The following PIKFYVE variants were observed in gnomAD, a reference collection of about 807,000 sequenced individuals.
PIKFYVE encodes the protein 1-phosphatidylinositol 3-phosphate 5-kinase.
PIKFYVE carries 122 observed loss-of-function variants against 257.9 expected under a neutral mutation model. That is an observed-to-expected ratio of 0.47 (90% CI 0.41 to 0.55). The LOEUF is 0.55. Among genes scored for constraint, PIKFYVE ranks in the 20% least tolerant of loss-of-function variants. The probability of loss-of-function intolerance (pLI) is 0.00; values close to 1 mark genes in which losing one functional copy is unlikely to be tolerated. For synonymous variants in PIKFYVE, 892 were observed against 868.9 expected (o/e 1.03, Z -0.47); for missense variants, 2,160 against 2,536.6 (o/e 0.85, Z 3.19).
chr2:208,326,302 C>T lies in PIKFYVE; in HGVS notation c.3491C>T (p.Pro1164Leu). The change falls in exon 20 of 42, where the codon CCC becomes CTC. Residue 1164 changes from proline to leucine, a missense_variant. Physicochemically the swap from Pro to Leu is moderately conservative, Grantham distance 98 (BLOSUM62 -3). Around this residue, in one of 12 missense-constraint regions of PIKFYVE, gnomAD observed 522 missense variants for 514.6 expected, o/e 1.01. Coordinates refer to ENST00000264380, the MANE Select transcript of PIKFYVE (RefSeq NM_015040.4). ...DYRARGGRIQ[P>L]KNSDPFAHSK... ...CGAGCCAGAGGAGGAAGAATTCAGC[C>T]CAAAAATTCAGACCCTTTTGCTCAT... 1 of 1,603,394 alleles carries T rather than the reference C, an allele frequency of 6.2e-7. No individual in the cohort carries two copies. The highest frequency in any genetic ancestry group is 8.5e-7 in the Non-Finnish European group (1 of 1,174,492).
rs140601337 is a variant in PIKFYVE, at chr2:208,283,014, C to T, written c.614-2712C>T. On this transcript the variant is annotated intron_variant, in intron 5 of 41. Coordinates refer to ENST00000264380, the MANE Select transcript of PIKFYVE (RefSeq NM_015040.4). ...GAGGTGGAGCTCAGGAGGTAATGCC[C>T]GTTTGTGTATGGCTTGTGTGCTGCT... Among the ~76,000 whole-genome samples the T allele has an allele frequency of 2.3e-3, 343 of 152,202 alleles. 1 individual carries two copies. The highest frequency in any genetic ancestry group is 4.1e-3 in the Non-Finnish European group (278 of 68,006).
At chr2:208,350,688 C>T in intron 36 of PIKFYVE, 83 bp from the exon 37 acceptor site, 1 of 1,465,080 alleles carries the variant, frequency 6.8e-7, no homozygotes, top group East Asian at 2.3e-5. Flanking sequence ...TTGCATTTGG[C>T]CAGGGTAGGG....
rs1217512301 is a variant in PIKFYVE, at chr2:208,357,696, T to A, written c.*2391T>A. 2.0e-5 allele frequency: 3 copies of A among 152,242 alleles called. No homozygotes were observed. Among genetic ancestry groups the A allele is most frequent in the Non-Finnish European group, 2.9e-5 (2 of 68,040 alleles). 9.4% of individuals were successfully genotyped at this position (152,242 alleles called of 1,614,324 possible). On this transcript the variant is annotated 3_prime_UTR_variant, in exon 42 of 42. Transcript: ENST00000264380. ...TGTCTGGTCCCTTGCTGCTCTTGTTTAGGCCACTATCATAGATATATTTCA... is the reference window on the plus strand; with the variant it reads ...TGTCTGGTCCCTTGCTGCTCTTGTTAAGGCCACTATCATAGATATATTTCA...
intron 7 of PIKFYVE, among the ~76,000 whole-genome samples, chr2:208,296,179 A>G (rs1247162859): frequency 2.0e-5 from 3 of 152,004 alleles, no homozygotes; most frequent in Non-Finnish European, 2.9e-5. Context: ...TAATTTTTGT[A>G]TTTTTAATAG....
At position 208,271,480 on chromosome 2, in the gene PIKFYVE, T is replaced by G. The variant is rs78863586; in HGVS notation, c.-9-31T>G. On this transcript the variant is annotated intron_variant, in intron 1 of 41. Transcript: ENST00000264380. Reference sequence around the variant, plus strand: ...CAACTTTTGAGCTTCCTGAGGAATTTAGATTTTTGCTTGTTTCTTTTGTTT... The same window carrying G: ...CAACTTTTGAGCTTCCTGAGGAATTGAGATTTTTGCTTGTTTCTTTTGTTT... 1.5e-3 allele frequency: 2,358 copies of G among 1,609,630 alleles called. 33 individuals are homozygous for G. The African/African-American group carries it at 0.027, about 19-fold the overall frequency.
At chr2:208,345,083 A>T in intron 32 of PIKFYVE, 28 bp from the exon 33 acceptor site, 1 of 1,443,150 alleles carries the variant, frequency 6.9e-7, no homozygotes, top group Non-Finnish European at 9.8e-7. Context: ...TTAATGTTTA[A>T]CGTTTTTCAA....
chr2:208,348,014 G>T lies in PIKFYVE; in HGVS notation c.5365G>T (p.Glu1789Ter). ...GGAGGGGACCGAGAATCAAGGCGTT[G>T]AGCCTCAAGGTGTGTTAAAGAAGAG... ...GKEGTENQGV[E>*]PQDEVDGGDT... The change falls in exon 35 of 42, where the codon GAG (glutamate) becomes TAG (stop). Residue 1789 changes from glutamate to a stop codon, truncating the protein, a stop_gained. Coordinates refer to ENST00000264380, the MANE Select transcript of PIKFYVE (RefSeq NM_015040.4). LOFTEE classifies it high-confidence loss of function. The T allele has an allele frequency of 1.2e-6, 2 of 1,614,090 alleles. No individual in the cohort carries two copies. Among genetic ancestry groups the T allele is most frequent in the Middle Eastern group, 1.7e-4 (1 of 6,060 alleles).
chr2:208,274,139 C>T (rs2125024933), intron 3 of PIKFYVE: 1 of 1,403,930 alleles, frequency 7.1e-7, no homozygotes, highest in South Asian at 1.2e-5. Context: ...CTGCAGAACT[C>T]TGTCAACTCC....
intron 23 of PIKFYVE, among the ~76,000 whole-genome samples, chr2:208,331,143 G>A (rs1697496423): frequency 6.6e-6 from 1 of 152,100 alleles, no homozygotes; most frequent in Admixed American, 6.5e-5. Context: ...GCCTATGTGA[G>A]CATTTCTATT....
At chr2:208,274,350 T>TGG (rs1465975038) in intron 3 of PIKFYVE, among the ~76,000 whole-genome samples, 1 of 151,684 alleles carries the variant, frequency 6.6e-6, no homozygotes. Context: ...AAAAGAGAGG[T>TGG]GGTTTATGTT....
At chr2:208,299,791 T>C (rs1265219765) in intron 8 of PIKFYVE, among the ~76,000 whole-genome samples, 1 of 152,224 alleles carries the variant, frequency 6.6e-6, no homozygotes, top group Non-Finnish European at 1.5e-5. Context: ...TAAAATACTG[T>C]GTTCAATTCT....
rs1255919461 is a variant in PIKFYVE at position 208,340,096 on chromosome 2, T to C, written c.4896T>C (p.Leu1632=). Residue 1632 remains leucine (L), a synonymous_variant, in exon 31 of 42, where the codon CTT becomes CTC. Coordinates refer to ENST00000264380, the MANE Select transcript of PIKFYVE (RefSeq NM_015040.4). ...STMKAIFANL[L]PGNSYNPIPF... The stretch of plus-strand genomic sequence containing the variant: ...TGAAAGCCATCTTTGCAAATTTGCT[T>C]CCAGGAAATAGCTATAATCCTATTC... 9.9e-6 allele frequency: 16 copies of C among 1,614,052 alleles called. No individual in the cohort carries two copies. The highest frequency in any genetic ancestry group is 1.7e-4 in the Middle Eastern group (1 of 6,060).
rs1691510155 is a variant in PIKFYVE at position 208,285,912 on chromosome 2, A to G, written c.800A>G (p.Glu267Gly). Reference protein sequence around the residue: ...SRKASRNIFLEDDLAWQSLIH... With the variant: ...SRKASRNIFLGDDLAWQSLIH... ...AAAGCCAGCCGTAACATATTTTTAGAGGATGATTTGGCCTGGCAAAGGTAT... is the reference window on the plus strand; with the variant it reads ...AAAGCCAGCCGTAACATATTTTTAGGGGATGATTTGGCCTGGCAAAGGTAT... Residue 267 changes from glutamate (E) to glycine (G), a missense_variant, in exon 6 of 42, where the codon GAG (glutamate) becomes GGG (glycine). By Grantham distance (98) the Glu-to-Gly change is moderately conservative. Around this residue, in one of 12 missense-constraint regions of PIKFYVE, gnomAD observed 187 missense variants for 185.6 expected, o/e 1.01. Coordinates refer to ENST00000264380, the MANE Select transcript of PIKFYVE (RefSeq NM_015040.4). 1 of 1,614,030 alleles carries G rather than the reference A, an allele frequency of 6.2e-7. No individual in the cohort carries two copies. The highest frequency in any genetic ancestry group is 8.5e-7 in the Non-Finnish European group (1 of 1,180,020).
chr2:208,348,098 C>A, intron 35 of PIKFYVE, 75 bp downstream of exon 35: 1 of 1,539,370 alleles, frequency 6.5e-7, no homozygotes, highest in Non-Finnish European at 9.0e-7. Context: ...TTTCTTATAG[C>A]CTTAAATAGA....
intron 1 of PIKFYVE, among the ~76,000 whole-genome samples, chr2:208,269,133 T>C (rs1689078359): frequency 1.3e-5 from 2 of 152,190 alleles, no homozygotes; most frequent in African/African-American, 4.8e-5. Flanking sequence ...ATGGTAGCTA[T>C]GATTTTGAAT....
Position 208,340,143 on chromosome 2 carries a change from T to G in PIKFYVE, c.4931+12T>G, listed in dbSNP as rs775564339. 1.6e-5 allele frequency: 26 copies of G among 1,613,836 alleles called. No homozygotes were observed. In the African/African-American group the frequency reaches 3.5e-4, roughly 22 times the overall value. On this transcript the variant is annotated intron_variant, in intron 31 of 41. Coordinates refer to ENST00000264380, the MANE Select transcript of PIKFYVE (RefSeq NM_015040.4). The stretch of plus-strand genomic sequence containing the variant: ...ATTCCATTTCCTTTGTAAGTATTAT[T>G]AAAACCAGTGGCTCTTAGCAGGGGG...
intron 35 of PIKFYVE, among the ~76,000 whole-genome samples, chr2:208,348,406 C>T (rs1376404744): frequency 6.6e-6 from 1 of 152,114 alleles, no homozygotes; most frequent in Non-Finnish European, 1.5e-5. Context: ...CTTTTCAAGT[C>T]CCTGTAAAGT....
chr2:208,339,317 C>T, intron 29 of PIKFYVE, 101 bp from the exon 30 acceptor site: 2 of 1,385,586 alleles, frequency 1.4e-6, no homozygotes, highest in Non-Finnish European at 2.0e-6. Context: ...AAAAATTCTA[C>T]CTTTTAGGAA....
chr2:208,321,124 G>T (rs769024832), intron 17 of PIKFYVE, among the ~76,000 whole-genome samples: 1 of 152,106 alleles, frequency 6.6e-6, no homozygotes, highest in Non-Finnish European at 1.5e-5. Flanking sequence ...AGTGCTGAAG[G>T]TATAAAGTTG....
Sources: gnomAD v4.1 joint callset for allele counts (sites outside exome capture counted in the v4.1 genomes callset) on GRCh38, gnomAD v4.1.1 for gene constraint, gnomAD v4.1.1 regional missense constraint, MANE v1.5 for transcripts, NCBI Gene and HGNC (gene_info 2026-07-23, HGNC 2026-07-21) for gene names.